Variants in ECE1 observed in about 807,000 individuals in gnomAD.
ECE1 encodes the protein endothelin-converting enzyme 1.
Under a neutral mutation model 98.6 loss-of-function variants are expected in ECE1, and 35 were observed. The observed-to-expected ratio is 0.35, with a 90% confidence interval of 0.27 to 0.47. The LOEUF is 0.47. Among genes scored for constraint, ECE1 ranks in the 20% least tolerant of loss-of-function variants. The probability of loss-of-function intolerance (pLI) is 1.00; values close to 1 mark genes in which losing one functional copy is unlikely to be tolerated. For synonymous variants in ECE1, 394 were observed against 407.1 expected (o/e 0.97, Z 0.39); for missense variants, 814 against 1,025.3 (o/e 0.79, Z 2.81).
At chr1:21,341,895 C>T (rs935252619) in intron 1 of ECE1, among the ~76,000 whole-genome samples, 21 of 152,132 alleles carry the variant, frequency 1.4e-4, no homozygotes, top group African/African-American at 4.8e-4. Context: ...GCCTCGCCCC[C>T]GCAAAATGCT....
At chr1:21,339,030 C>T (rs1451632675) in intron 1 of ECE1, among the ~76,000 whole-genome samples, 1 of 151,760 alleles carries the variant, frequency 6.6e-6, no homozygotes, top group Non-Finnish European at 1.5e-5. Context: ...AAGGCTGGGA[C>T]ATCAGGTGTT....
At chr1:21,263,354 T>A (rs573951340) in intron 4 of ECE1, among the ~76,000 whole-genome samples, 1 of 123,042 alleles carries the variant, frequency 8.1e-6, no homozygotes, top group Non-Finnish European at 1.8e-5. Context: ...TTCCTTTTTT[T>A]ATATTTATTT....
chr1:21,234,969 G>A (rs1360444000), intron 13 of ECE1, among the ~76,000 whole-genome samples: 1 of 152,192 alleles, frequency 6.6e-6, no homozygotes, highest in Non-Finnish European at 1.5e-5. Flanking sequence ...CTCAGAATGA[G>A]TCTTTATAGT....
chr1:21,307,072 G>A lies in ECE1; in HGVS notation c.4-16916C>T, dbSNP rs1285494520. On this transcript the variant is annotated intron_variant, in intron 1 of 18. Coordinates refer to the ECE1 transcript ENST00000415912. The surrounding 1 kb of genome is among the most constrained non-coding windows in gnomAD (Gnocchi z 4.2). ...GGGCTTAGGATGACTGAGGTCCACC[G>A]AGGACTCCCTCGTCTCCCTGCACTC... Among the ~76,000 whole-genome samples the A allele has an allele frequency of 4.6e-5, 7 of 152,162 alleles. No homozygotes were observed. The highest frequency in any genetic ancestry group is 3.9e-4 in the East Asian group (2 of 5,192).
chr1:21,287,419 C>T (rs530139091), intron 2 of ECE1, among the ~76,000 whole-genome samples: 1 of 152,160 alleles, frequency 6.6e-6, no homozygotes, highest in African/African-American at 2.4e-5. Context: ...CCAGCTACTC[C>T]GGAGGCTGAG....
intron 1 of ECE1, among the ~76,000 whole-genome samples, chr1:21,338,251 G>C (rs1639338692): frequency 6.6e-6 from 1 of 152,216 alleles, no homozygotes; most frequent in Non-Finnish European, 1.5e-5. Context: ...GAGGACATGA[G>C]GTTAGAGTCC....
At chr1:21,262,426 C>T (rs2098228227) in intron 4 of ECE1, among the ~76,000 whole-genome samples, 1 of 152,196 alleles carries the variant, frequency 6.6e-6, no homozygotes, top group South Asian at 2.1e-4. Context: ...GTTCCTATGG[C>T]AACACTCCCA....
At position 21,227,908 on chromosome 1, in the gene ECE1, TA is replaced by T. The variant is rs771597389; in HGVS notation, c.1781+22del. The T allele has an allele frequency of 5.8e-6, 9 of 1,542,918 alleles. No homozygotes were observed. The African/African-American group carries it at 1.2e-4, about 21-fold the overall frequency. On this transcript the variant is annotated intron_variant, in intron 15 of 18. Coordinates refer to ENST00000374893, the MANE Select transcript of ECE1 (RefSeq NM_001397.3). ...CTGGGCTGGGGGAAAAGAATTGGGG[TA>T]GGGGCCCCAGAGGCAGCCTACTTGG...
intron 10 of ECE1, among the ~76,000 whole-genome samples, chr1:21,240,143 C>T (rs1004864493): frequency 6.6e-6 from 1 of 152,010 alleles, no homozygotes; most frequent in African/African-American, 2.4e-5. Flanking sequence ...TGCACTCCAG[C>T]CTGGGTGACA....
At chr1:21,263,958 C>T (rs535236035) in intron 4 of ECE1, among the ~76,000 whole-genome samples, 3 of 152,150 alleles carry the variant, frequency 2.0e-5, no homozygotes, top group Admixed American at 6.5e-5. Flanking sequence ...GGCTGCCAGG[C>T]GGGAGGCTGC....
rs213013 is a variant in ECE1 at position 21,316,761 on chromosome 1, C to A, written c.4-26605G>T. 2.0e-5 allele frequency among the ~76,000 whole-genome samples: 3 copies of A among 152,198 alleles called. No homozygotes were observed. In the East Asian group the frequency reaches 5.8e-4, roughly 30 times the overall value. On this transcript the variant is annotated intron_variant, in intron 1 of 18. Transcript: ENST00000415912. ...CCACATCATGGGATGGAATACTACA[C>A]GGTAATGAAAACCAAGTGGCTGCAA... is the stretch of plus-strand genomic sequence containing the variant.
chr1:21,287,398 C>A (rs908764741), intron 2 of ECE1, among the ~76,000 whole-genome samples: 1 of 152,094 alleles, frequency 6.6e-6, no homozygotes, highest in Admixed American at 6.6e-5. Flanking sequence ...TGGTGACGTG[C>A]GCCTGTAATC....
chr1:21,267,022 C>T (rs1471434786), intron 4 of ECE1: 3 of 152,172 alleles, frequency 2.0e-5, no homozygotes, highest in Non-Finnish European at 4.4e-5. Context: ...GAGATGGGGC[C>T]TTTAGGTCAT....
intron 1 of ECE1, among the ~76,000 whole-genome samples, chr1:21,316,516 C>T (rs1273946277): frequency 6.6e-6 from 1 of 152,016 alleles, no homozygotes; most frequent in East Asian, 1.9e-4. Context: ...TCAGGTGATC[C>T]ACCCGTCTCG....
At position 21,279,337 on chromosome 1, in the gene ECE1, A is replaced by C. The variant is rs759508891; in HGVS notation, c.139-5T>G. 2 of 1,614,022 alleles carry C rather than the reference A, an allele frequency of 1.2e-6. No homozygotes were observed. The highest frequency in any genetic ancestry group is 1.7e-6 in the Non-Finnish European group (2 of 1,180,004). On this transcript the variant is annotated splice_region_variant and splice_polypyrimidine_tract_variant and intron_variant, in intron 2 of 18. Transcript: ENST00000374893. ...CCGGGGGCTGTGGAAGTTCACCTGC[A>C]GGGAAGGAGGCAGGAGGGGCGGGGA...
At position 21,328,764 on chromosome 1, in the gene ECE1, G is replaced by GAAA. The variant is rs35883969; in HGVS notation, c.3+16609_3+16611dup. 1.2e-3 allele frequency among the ~76,000 whole-genome samples: 60 copies of GAAA among 50,038 alleles called. 1 individual carries two copies. Among genetic ancestry groups the GAAA allele is most frequent in the African/African-American group, 1.5e-3 (20 of 13,130 alleles). The allele number at this position is 50,038 out of a possible 152,430, so 32.8% of individuals were successfully genotyped here. A position where few individuals can be genotyped will look rare whatever the true frequency, so the allele number is the denominator to read the frequency against. ...AGCAACAAGAGCGAACCTCCATCTC[G>GAAA]AAAAAAAAAAAAAAAAAAAAAAGAA... On this transcript the variant is annotated intron_variant, in intron 1 of 18. Transcript: ENST00000415912.
At chr1:21,314,898 C>A (rs1334778952) in intron 1 of ECE1, among the ~76,000 whole-genome samples, 1 of 152,256 alleles carries the variant, frequency 6.6e-6, no homozygotes, top group Non-Finnish European at 1.5e-5. Flanking sequence ...GACCTATGGT[C>A]TGCTTCTTGG....
intron 14 of ECE1, 54 bp from the exon 15 acceptor site, chr1:21,228,095 G>T: frequency 1.7e-5 from 24 of 1,409,028 alleles, no homozygotes; most frequent in Non-Finnish European, 2.3e-5. Context: ...GGCAGGTGGG[G>T]ACAGCCTGCC....
chr1:21,334,803 G>A (rs894220680), intron 1 of ECE1, among the ~76,000 whole-genome samples: 11 of 152,128 alleles, frequency 7.2e-5, no homozygotes, highest in Non-Finnish European at 1.6e-4. Flanking sequence ...TGAAGTAGCA[G>A]CCAAAATCCC....
Sources: gnomAD v4.1 joint callset for allele counts (sites outside exome capture counted in the v4.1 genomes callset) on GRCh38, gnomAD v4.1.1 for gene constraint, Gnocchi (gnomAD v3.1) non-coding constraint, MANE v1.5 for transcripts, NCBI Gene and HGNC (gene_info 2026-07-23, HGNC 2026-07-21) for gene names.